Variants in TMTC2 observed in about 807,000 individuals in gnomAD.
The protein encoded by TMTC2 is protein O-mannosyl-transferase TMTC2.
Under a neutral mutation model 82.4 loss-of-function variants are expected in TMTC2, and 43 were observed. The observed-to-expected ratio is 0.52, with a 90% confidence interval of 0.41 to 0.67. The LOEUF (loss-of-function observed/expected upper bound fraction) is 0.67, where lower values mean the gene tolerates loss of function less well. Ranked by LOEUF, TMTC2 falls within the 30% of genes least tolerant of loss-of-function variation. TMTC2 has a pLI of 0.00. For synonymous variants in TMTC2, 408 were observed against 381.9 expected (o/e 1.07, Z -0.80); for missense variants, 919 against 1,012.4 (o/e 0.91, Z 1.25).
At chr12:83,011,753 A>G (rs1364867367) in intron 8 of TMTC2, among the ~76,000 whole-genome samples, 1 of 152,184 alleles carries the variant, frequency 6.6e-6, no homozygotes, top group Non-Finnish European at 1.5e-5. Context: ...CTCTTTCATA[A>G]AATAGTTCCT....
At chr12:83,016,485 G>T (rs1234778766) in intron 8 of TMTC2, among the ~76,000 whole-genome samples, 1 of 152,106 alleles carries the variant, frequency 6.6e-6, no homozygotes, top group Non-Finnish European at 1.5e-5. Context: ...GTTCTTTTAA[G>T]TATAATCTTC....
intron 3 of TMTC2, among the ~76,000 whole-genome samples, chr12:82,924,371 T>TGG (rs1875576969): frequency 6.6e-6 from 1 of 152,210 alleles, no homozygotes; most frequent in African/African-American, 2.4e-5. Context: ...TGTTTGGTAG[T>TGG]TTGTGGGTTA....
At chr12:82,834,452 A>G (rs906842468) in intron 1 of TMTC2, among the ~76,000 whole-genome samples, 14 of 152,242 alleles carry the variant, frequency 9.2e-5, no homozygotes, top group African/African-American at 3.1e-4. Context: ...CATCAGATAT[A>G]TCTCACAGCT....
chr12:83,110,028 A>C (rs1422994087), intron 11 of TMTC2, among the ~76,000 whole-genome samples: 2 of 152,124 alleles, frequency 1.3e-5, no homozygotes, highest in Non-Finnish European at 2.9e-5. Flanking sequence ...CAACTCTTAA[A>C]GTTCTAGTAT....
intron 3 of TMTC2, among the ~76,000 whole-genome samples, chr12:82,929,273 C>T (rs1053528154): frequency 4.9e-4 from 75 of 152,110 alleles, no homozygotes; most frequent in African/African-American, 1.6e-3. Context: ...AGGCTGGTCT[C>T]AAACTCCTCT....
At chr12:82,768,262 T>C (rs1877087171) in intron 1 of TMTC2, among the ~76,000 whole-genome samples, 1 of 152,250 alleles carries the variant, frequency 6.6e-6, no homozygotes, top group Non-Finnish European at 1.5e-5. Flanking sequence ...GCATCTGTAG[T>C]GCCAGACCTA....
intron 1 of TMTC2, among the ~76,000 whole-genome samples, chr12:82,731,995 G>C (rs1409347974): frequency 2.0e-5 from 3 of 152,174 alleles, no homozygotes; most frequent in Non-Finnish European, 2.9e-5. Flanking sequence ...CTGTTAACGA[G>C]GGATGATGCT....
chr12:82,980,420 G>A (rs941033272), intron 7 of TMTC2, among the ~76,000 whole-genome samples: 2 of 151,770 alleles, frequency 1.3e-5, no homozygotes, highest in Non-Finnish European at 3.0e-5. Flanking sequence ...TTAGCAACCA[G>A]CTAAGTTCTC....
chr12:82,887,559 A>G (rs1361104811), intron 2 of TMTC2, among the ~76,000 whole-genome samples: 1 of 152,198 alleles, frequency 6.6e-6, no homozygotes, highest in Non-Finnish European at 1.5e-5. Flanking sequence ...CTATAGTTAT[A>G]TACTTTCATT....
chr12:83,029,101 A>G (rs530571779), intron 8 of TMTC2, among the ~76,000 whole-genome samples: 251 of 152,292 alleles, frequency 1.6e-3, no homozygotes, highest in Non-Finnish European at 2.9e-3. Flanking sequence ...TGAAGGATGT[A>G]GCAACAATGA....
At chr12:82,744,624 A>T (rs1481537855) in intron 1 of TMTC2, among the ~76,000 whole-genome samples, 1 of 149,032 alleles carries the variant, frequency 6.7e-6, no homozygotes, top group Non-Finnish European at 1.5e-5. Context: ...GTGGACAGGG[A>T]CACATCTGCC....
At chr12:83,112,266 C>G (rs1168176463) in intron 11 of TMTC2, among the ~76,000 whole-genome samples, 1 of 152,132 alleles carries the variant, frequency 6.6e-6, no homozygotes, top group Non-Finnish European at 1.5e-5. Flanking sequence ...TCTCCCCTCC[C>G]TCGTGGACAG....
chr12:83,123,363 C>G (rs992310482), intron 11 of TMTC2, among the ~76,000 whole-genome samples: 24 of 152,190 alleles, frequency 1.6e-4, no homozygotes, highest in Admixed American at 1.6e-3. Flanking sequence ...GAATCATTTC[C>G]ATGATCTGTC....
intron 8 of TMTC2, among the ~76,000 whole-genome samples, chr12:83,009,804 G>A (rs1251958579): frequency 2.6e-5 from 4 of 152,142 alleles, no homozygotes; most frequent in Non-Finnish European, 5.9e-5. Context: ...TCCATGGACT[G>A]GGTAGAAGAT....
intron 4 of TMTC2, among the ~76,000 whole-genome samples, chr12:82,958,338 G>A (rs1262993821): frequency 7.7e-6 from 1 of 129,832 alleles, no homozygotes; most frequent in East Asian, 2.5e-4. Context: ...CTAGGTGACA[G>A]AGCAAGAGTC....
intron 2 of TMTC2, among the ~76,000 whole-genome samples, chr12:82,858,736 G>GCTTA (rs1592580380): frequency 6.6e-6 from 1 of 151,568 alleles, no homozygotes; most frequent in Non-Finnish European, 1.5e-5. Context: ...AGTATTAAGG[G>GCTTA]CTTAATGAAG....
chr12:82,722,813 A>G (rs1014244293), intron 1 of TMTC2, among the ~76,000 whole-genome samples: 1 of 152,184 alleles, frequency 6.6e-6, no homozygotes, highest in Non-Finnish European at 1.5e-5. Flanking sequence ...TATCTGATTT[A>G]CTAAACAGAG....
intron 1 of TMTC2, among the ~76,000 whole-genome samples, chr12:82,830,464 A>T (rs1043945417): frequency 2.6e-5 from 4 of 152,104 alleles, no homozygotes; most frequent in Admixed American, 6.5e-5. Flanking sequence ...ACAGATAGCT[A>T]GATACAATAT....
chr12:82,703,689 C>T (rs1273265004), intron 1 of TMTC2, among the ~76,000 whole-genome samples: 5 of 152,074 alleles, frequency 3.3e-5, no homozygotes, highest in East Asian at 1.9e-4. Context: ...TTGGTAGAGA[C>T]GGGGTTTCAC....
Sources: allele counts gnomAD v4.1 joint callset (sites outside exome capture counted in the v4.1 genomes callset), GRCh38; gene constraint gnomAD v4.1.1; transcripts MANE v1.5; gene names NCBI Gene and HGNC (gene_info 2026-07-23, HGNC 2026-07-21).